HECW2: variants seen among roughly 807,000 people sequenced by gnomAD.
The protein encoded by HECW2 is E3 ubiquitin-protein ligase HECW2.
A neutral mutation model predicts 175.2 loss-of-function variants in HECW2; 61 were observed. The observed-to-expected ratio is 0.35, with a 90% CI of 0.28 to 0.43. The LOEUF (loss-of-function observed/expected upper bound fraction) is 0.43, where lower values mean the gene tolerates loss of function less well. Among genes scored for constraint, HECW2 ranks in the 20% least tolerant of loss-of-function variants. HECW2 has a pLI of 1.00. For missense variants in HECW2, 1,524 were observed against 2,000.5 expected, an observed-to-expected ratio of 0.76 and a Z score of 4.54; for synonymous variants, 671 against 731.0, an observed-to-expected ratio of 0.92 and a Z score of 1.32.
intron 1 of HECW2, among the ~76,000 whole-genome samples, chr2:196,533,376 C>CCATA (rs1688907250): frequency 6.6e-6 from 1 of 152,172 alleles, no homozygotes; most frequent in African/African-American, 2.4e-5. Flanking sequence ...AGAGCCCCTT[C>CCATA]CATAACAGGA....
At position 196,307,917 on chromosome 2, in the gene HECW2, C is replaced by A; in HGVS notation, c.2585+18G>T. 6.7e-7 allele frequency: 1 copy of A among 1,502,974 alleles called. No homozygotes were observed. Among genetic ancestry groups the A allele is most frequent in the Non-Finnish European group, 9.0e-7 (1 of 1,111,194 alleles). 93.1% of individuals were successfully genotyped at this position (1,502,974 alleles called of 1,614,324 possible). A position where few individuals can be genotyped will look rare whatever the true frequency, so the allele number is the denominator to read the frequency against. ...CAACCACAAAATACAACAGTCACAG[C>A]AAAATGTTCATCCTCACCGCCGGTT... On this transcript the variant is annotated intron_variant, in intron 11 of 28. Transcript: ENST00000644978.
At chr2:196,378,606 A>G (rs1187267333) in intron 2 of HECW2, among the ~76,000 whole-genome samples, 1 of 152,234 alleles carries the variant, frequency 6.6e-6, no homozygotes, top group African/African-American at 2.4e-5. Flanking sequence ...CAATGCCCAC[A>G]TATTCTGAAA....
chr2:196,286,515 T>C (rs1690395844), intron 14 of HECW2, among the ~76,000 whole-genome samples: 1 of 152,044 alleles, frequency 6.6e-6, no homozygotes, highest in South Asian at 2.1e-4. Flanking sequence ...CTCAGAAATT[T>C]ATTCATAAAA....
chr2:196,254,722 A>T (rs1482942749), intron 18 of HECW2, among the ~76,000 whole-genome samples: 1 of 152,232 alleles, frequency 6.6e-6, no homozygotes, highest in Non-Finnish European at 1.5e-5. Context: ...AGAAACTGCA[A>T]TGCCACTAAG....
intron 15 of HECW2, among the ~76,000 whole-genome samples, chr2:196,278,133 A>AAAAAAAAATATATATATATATATATAT (rs531920307): frequency 4.5e-5 from 3 of 66,568 alleles, no homozygotes; most frequent in Non-Finnish European, 9.9e-5. Flanking sequence ...ATAATTAAAA[A>AAAAAAAAATATATATATATATATATAT]ATATATATAT....
At chr2:196,329,503 A>T (rs547036974) in intron 5 of HECW2, 72 bp downstream of exon 5, 1 of 1,255,534 alleles carries the variant, frequency 8.0e-7, no homozygotes, top group East Asian at 2.3e-5. Context: ...AAGTCTGCAG[A>T]AAGAAGTGAC....
intron 19 of HECW2, among the ~76,000 whole-genome samples, chr2:196,249,447 G>A (rs1362509092): frequency 9.6e-6 from 1 of 104,122 alleles, no homozygotes; most frequent in African/African-American, 3.2e-5. Flanking sequence ...ACATGTCAAC[G>A]TGCTTGGAAT....
chr2:196,398,899 G>A (rs1467165360), intron 2 of HECW2, among the ~76,000 whole-genome samples: 3 of 152,136 alleles, frequency 2.0e-5, no homozygotes, highest in Non-Finnish European at 4.4e-5. Flanking sequence ...AGGATGGCTT[G>A]AGCCCAGGAG....
At position 196,271,233 on chromosome 2, in the gene HECW2, G is replaced by T; in HGVS notation, c.3295C>A (p.Gln1099Lys). The change falls in exon 17 of 29, where the codon CAG becomes AAG. Residue 1099 changes from glutamine (Q) to lysine (K), a missense_variant. Coordinates refer to ENST00000644978, the MANE Select transcript of HECW2 (RefSeq NM_001348768.2). The part of the protein sequence containing the change: ...LRQPNIFEIL[Q>K]ERQPDLTRNH... ...CTGGTAAGATCAGGTTGACGCTCCT[G>T]TAGAATTTCAAAGATATTGGGTTGA... is the stretch of plus-strand genomic sequence containing the variant. 6.2e-7 allele frequency: 1 copy of T among 1,611,872 alleles called. No individual in the cohort carries two copies.
intron 1 of HECW2, among the ~76,000 whole-genome samples, chr2:196,588,164 T>C (rs1476226331): frequency 6.6e-6 from 1 of 152,200 alleles, no homozygotes; most frequent in East Asian, 1.9e-4. Flanking sequence ...GTTTATTATC[T>C]GTCTCCCACC....
chr2:196,340,587 C>T (rs1159930358), intron 3 of HECW2, among the ~76,000 whole-genome samples: 1 of 93,326 alleles, frequency 1.1e-5, no homozygotes, highest in East Asian at 3.1e-4. Flanking sequence ...CGCAGCAAGA[C>T]TCCGTCTCAA....
chr2:196,229,571 T>G (rs1471060739), intron 21 of HECW2, among the ~76,000 whole-genome samples: 1 of 152,128 alleles, frequency 6.6e-6, no homozygotes, highest in African/African-American at 2.4e-5. Flanking sequence ...TCCCAGCTAC[T>G]TGGGAGGCTG....
rs182038617 is a variant in HECW2, at chr2:196,357,130, C to T, written c.293-13366G>A. Among the ~76,000 whole-genome samples the T allele has an allele frequency of 7.6e-4, 116 of 152,310 alleles. 1 individual carries two copies. The highest frequency in any genetic ancestry group is 2.6e-3 in the African/African-American group (107 of 41,560). ...GCTGTGTGCAGAACAGATGGTAGAA[C>T]GGCAAGAGAGGATGGCACACGATGC... On this transcript the variant is annotated intron_variant, in intron 2 of 28. Transcript: ENST00000644978.
chr2:196,216,559 C>T (rs562206205), intron 27 of HECW2, among the ~76,000 whole-genome samples: 3 of 151,592 alleles, frequency 2.0e-5, no homozygotes, highest in African/African-American at 7.2e-5. Flanking sequence ...AGTTAGTTTT[C>T]CCACTGTTCT....
intron 19 of HECW2, among the ~76,000 whole-genome samples, chr2:196,245,951 G>C (rs893676603): frequency 1.3e-5 from 2 of 152,176 alleles, no homozygotes; most frequent in Non-Finnish European, 2.9e-5. Context: ...AATGTGGGGT[G>C]GGACCCAGGC....
intron 22 of HECW2, among the ~76,000 whole-genome samples, chr2:196,227,525 C>T (rs1292495163): frequency 6.6e-6 from 1 of 151,016 alleles, no homozygotes; most frequent in Non-Finnish European, 1.5e-5. Flanking sequence ...GGTAAGTGGC[C>T]ACTGCTTGTG....
At chr2:196,459,839 C>G (rs971485767) in intron 1 of HECW2, among the ~76,000 whole-genome samples, 1 of 152,134 alleles carries the variant, frequency 6.6e-6, no homozygotes, top group African/African-American at 2.4e-5. Flanking sequence ...TCCGAAAATT[C>G]CACCCTGGAT....
At chr2:196,332,309 C>T (rs894301921) in intron 4 of HECW2, among the ~76,000 whole-genome samples, 3 of 152,144 alleles carry the variant, frequency 2.0e-5, no homozygotes, top group African/African-American at 7.2e-5. Flanking sequence ...ATGTCATATA[C>T]CTAGATGACC....
At chr2:196,458,443 C>CACAT in intron 1 of HECW2, among the ~76,000 whole-genome samples, 1 of 151,586 alleles carries the variant, frequency 6.6e-6, no homozygotes, top group East Asian at 1.9e-4. Flanking sequence ...CACTCACACA[C>CACAT]ACACACACAC....
Sources: allele counts gnomAD v4.1 joint callset (sites outside exome capture counted in the v4.1 genomes callset), GRCh38; gene constraint gnomAD v4.1.1; transcripts MANE v1.5; gene names NCBI Gene and HGNC (gene_info 2026-07-23, HGNC 2026-07-21).